Variants in TBC1D19 observed in about 807,000 individuals in gnomAD.
TBC1D19 encodes the protein TBC1 domain family member 19, also known as TBC1 domain family, member 19.
In TBC1D19, 60 loss-of-function variants were observed where a neutral mutation model predicts 89.0. The ratio of observed to expected loss-of-function variants is 0.67; its 90% CI spans 0.55 to 0.84. The LOEUF (loss-of-function observed/expected upper bound fraction) is 0.84. Ranked by LOEUF, TBC1D19 falls within the 40% of genes least tolerant of loss-of-function variation. The probability of loss-of-function intolerance (pLI) is 0.00; values close to 1 mark genes in which losing one functional copy is unlikely to be tolerated. For missense variants in TBC1D19, 500 were observed against 610.8 expected, an observed-to-expected ratio of 0.82 and a Z score of 1.91; for synonymous variants, 189 against 199.7, an observed-to-expected ratio of 0.95 and a Z score of 0.45.
At chr4:26,578,251 T>C (rs940187537) in intron 1 of TBC1D19, among the ~76,000 whole-genome samples, 8 of 152,204 alleles carry the variant, frequency 5.3e-5, no homozygotes, top group African/African-American at 1.7e-4. Flanking sequence ...TGCTCCCAAA[T>C]TACTGGGCCT....
chr4:26,791,658 C>T, the TBC1D19 span, among the ~76,000 whole-genome samples: 9 of 152,164 alleles, frequency 5.9e-5, no homozygotes, highest in South Asian at 2.1e-4. Context: ...AACATAAAGC[C>T]GAGACAATTT....
Position 26,680,669 on chromosome 4 carries a change from T to C in TBC1D19, c.817-3006T>C, listed in dbSNP as rs1342963247. Among the ~76,000 whole-genome samples, 3 of 152,212 alleles carry C rather than the reference T, an allele frequency of 2.0e-5. No homozygotes were observed. In the East Asian group the frequency reaches 5.8e-4, roughly 29 times the overall value. On this transcript the variant is annotated intron_variant, in intron 11 of 20. Transcript: ENST00000264866. Reference sequence around the variant, plus strand: ...CATACACCCACCCCCACTACATAACTACAACTACCCTAATTAAAGTCACCA... The same window carrying C: ...CATACACCCACCCCCACTACATAACCACAACTACCCTAATTAAAGTCACCA...
chr4:26,795,616 G>A, the TBC1D19 span, among the ~76,000 whole-genome samples: 1 of 152,164 alleles, frequency 6.6e-6, no homozygotes, highest in Non-Finnish European at 1.5e-5. Context: ...CTCTAGGAAA[G>A]TCTGAGTACC....
intron 13 of TBC1D19, among the ~76,000 whole-genome samples, chr4:26,706,951 G>A (rs866611570): frequency 6.6e-6 from 1 of 151,760 alleles, no homozygotes; most frequent in East Asian, 1.9e-4. Flanking sequence ...CCTAATATAT[G>A]ATCTATCTGG....
chr4:26,856,755 C>T, the TBC1D19 span, among the ~76,000 whole-genome samples: 1 of 152,178 alleles, frequency 6.6e-6, no homozygotes, highest in Non-Finnish European at 1.5e-5. Context: ...ATTCCTGCTG[C>T]TTCAGCATCT....
chr4:26,736,526 C>G (rs1026675734), intron 16 of TBC1D19, among the ~76,000 whole-genome samples: 1 of 151,938 alleles, frequency 6.6e-6, no homozygotes, highest in Admixed American at 6.6e-5. Flanking sequence ...CACATGTACC[C>G]TAAAACTTAA....
At chr4:26,853,631 A>G in the TBC1D19 span, among the ~76,000 whole-genome samples, 1 of 151,842 alleles carries the variant, frequency 6.6e-6, no homozygotes, top group East Asian at 1.9e-4. Flanking sequence ...TCTGCCTCCC[A>G]GGTTCAAGCC....
the TBC1D19 span, among the ~76,000 whole-genome samples, chr4:26,799,010 A>G: frequency 1.9e-3 from 287 of 152,306 alleles, no homozygotes; most frequent in African/African-American, 6.5e-3. Flanking sequence ...ACATGCACAT[A>G]TAACCCCTGA....
chr4:26,840,990 G>T, the TBC1D19 span, among the ~76,000 whole-genome samples: 1 of 151,968 alleles, frequency 6.6e-6, no homozygotes, highest in African/African-American at 2.4e-5. Context: ...CTCCACCCTG[G>T]CAGGAAGCTG....
Position 26,666,332 on chromosome 4 carries a change from G to A in TBC1D19, c.592-1G>A. On this transcript the variant is annotated splice_acceptor_variant, in intron 8 of 20. Transcript: ENST00000264866. LOFTEE classifies it high-confidence loss of function. ...TTAATTCTACGTATGTTATTTTTCAGAAAGAATGCTTTGTGGAACTTGGCT... is the reference window on the plus strand; with the variant it reads ...TTAATTCTACGTATGTTATTTTTCAAAAAGAATGCTTTGTGGAACTTGGCT... 1 of 1,610,028 alleles carries A rather than the reference G, an allele frequency of 6.2e-7. No individual in the cohort carries two copies. The highest frequency in any genetic ancestry group is 8.5e-7 in the Non-Finnish European group (1 of 1,177,514).
chr4:26,716,798 T>G (rs572178123), intron 13 of TBC1D19, among the ~76,000 whole-genome samples: 1 of 152,182 alleles, frequency 6.6e-6, no homozygotes, highest in Admixed American at 6.5e-5. Context: ...TGTATTTCTT[T>G]ATTTTTAAAA....
At chr4:26,748,045 T>C (rs555833212) in intron 18 of TBC1D19, among the ~76,000 whole-genome samples, 45 of 152,310 alleles carry the variant, frequency 3.0e-4, no homozygotes, top group Middle Eastern at 6.8e-3. Flanking sequence ...GTATTTTGAA[T>C]AAAAATTCAA....
At chr4:26,845,041 T>A in the TBC1D19 span, among the ~76,000 whole-genome samples, 1 of 152,254 alleles carries the variant, frequency 6.6e-6, no homozygotes, top group Non-Finnish European at 1.5e-5. Context: ...TAAAATCCTG[T>A]ATAAATATTC....
intron 11 of TBC1D19, among the ~76,000 whole-genome samples, chr4:26,683,320 G>A (rs1713524043): frequency 6.6e-6 from 1 of 152,062 alleles, no homozygotes; most frequent in Non-Finnish European, 1.5e-5. Flanking sequence ...AATAATCACT[G>A]ACCTAATTCA....
At chr4:26,611,522 T>G (rs760121078) in intron 1 of TBC1D19, among the ~76,000 whole-genome samples, 1 of 152,080 alleles carries the variant, frequency 6.6e-6, no homozygotes, top group Non-Finnish European at 1.5e-5. Context: ...TATTATCCCT[T>G]TGGCCTGACA....
At chr4:26,600,161 A>C (rs937769325) in intron 1 of TBC1D19, among the ~76,000 whole-genome samples, 2 of 152,134 alleles carry the variant, frequency 1.3e-5, no homozygotes, top group Non-Finnish European at 2.9e-5. Flanking sequence ...ATAGAATTGC[A>C]AAAGGAAGGA....
At chr4:26,724,818 C>A (rs1717204408) in intron 15 of TBC1D19, among the ~76,000 whole-genome samples, 1 of 152,044 alleles carries the variant, frequency 6.6e-6, no homozygotes, top group Admixed American at 6.5e-5. Context: ...CAGATGCTTT[C>A]CAAAGCCCTC....
At chr4:26,649,771 T>G (rs1320713531) in intron 7 of TBC1D19, among the ~76,000 whole-genome samples, 1 of 152,158 alleles carries the variant, frequency 6.6e-6, no homozygotes, top group Non-Finnish European at 1.5e-5. Flanking sequence ...TGCAGGTTTG[T>G]TACATATGTA....
intron 13 of TBC1D19, among the ~76,000 whole-genome samples, chr4:26,715,807 C>G (rs541890270): frequency 3.9e-5 from 6 of 152,200 alleles, no homozygotes; most frequent in South Asian, 4.1e-4. Flanking sequence ...GCACTACCAG[C>G]TGCTATAGTT....
Sources: allele counts gnomAD v4.1 joint callset (sites outside exome capture counted in the v4.1 genomes callset), GRCh38; gene constraint gnomAD v4.1.1; transcripts MANE v1.5; gene names NCBI Gene and HGNC (gene_info 2026-07-23, HGNC 2026-07-21).